The following USH2A variants were observed in gnomAD, a reference collection of about 807,000 sequenced individuals.
The protein encoded by USH2A is usherin.
Under a neutral mutation model 538.9 loss-of-function variants are expected in USH2A, and 443 were observed. That is an observed-to-expected ratio of 0.82 (90% CI 0.76 to 0.89). The LOEUF (loss-of-function observed/expected upper bound fraction) is 0.89, where lower values mean the gene tolerates loss of function less well. Among genes scored for constraint, USH2A ranks in the 40% least tolerant of loss-of-function variants. The pLI is 0.00. For missense variants in USH2A, 6,633 were observed against 6,324.8 expected, an observed-to-expected ratio of 1.05 and a Z score of -1.65; for synonymous variants, 2,413 against 2,273.5, an observed-to-expected ratio of 1.06 and a Z score of -1.75.
intron 61 of USH2A, among the ~76,000 whole-genome samples, chr1:215,711,140 A>G (rs888386728): frequency 1.3e-5 from 2 of 152,248 alleles, no homozygotes; most frequent in African/African-American, 4.8e-5. Flanking sequence ...AATGAAATGC[A>G]TGAATTAAAA....
intron 9 of USH2A, among the ~76,000 whole-genome samples, chr1:216,319,636 TAGAAAGAA>T (rs547057849): frequency 6.6e-6 from 1 of 152,048 alleles, no homozygotes; most frequent in Non-Finnish European, 1.5e-5. Flanking sequence ...TCTGAGCACA[TAGAAAGAA>T]AGAAAGAAAG....
Position 216,134,774 on chromosome 1 carries a change from G to C in USH2A, c.4628-37561C>G, listed in dbSNP as rs112145242. Among the ~76,000 whole-genome samples the C allele has an allele frequency of 4.3e-3, 657 of 152,166 alleles. 1 individual carries two copies. The highest frequency in any genetic ancestry group is 0.015 in the African/African-American group (631 of 41,544). On this transcript the variant is annotated intron_variant, in intron 21 of 71. Transcript: ENST00000307340. ...TCAAAGAAATAGCCAAATATGTCCAGAAACCATTGCTTGATTGTATTAAAA... is the reference window on the plus strand; with the variant it reads ...TCAAAGAAATAGCCAAATATGTCCACAAACCATTGCTTGATTGTATTAAAA...
chr1:215,823,714 G>T (rs958452215), intron 47 of USH2A, among the ~76,000 whole-genome samples: 2 of 151,692 alleles, frequency 1.3e-5, no homozygotes, highest in African/African-American at 4.8e-5. Flanking sequence ...TACCTTGTAG[G>T]TGATCTTCAC....
At chr1:216,347,721 C>A (rs1345072677) in intron 4 of USH2A, among the ~76,000 whole-genome samples, 1 of 152,096 alleles carries the variant, frequency 6.6e-6, no homozygotes, top group Non-Finnish European at 1.5e-5. Context: ...ACCAAAATTT[C>A]TTTATCAATT....
chr1:215,816,444 T>C lies in USH2A; in HGVS notation c.9570+553A>G, dbSNP rs77272709. Among the ~76,000 whole-genome samples the C allele has an allele frequency of 4.6e-3, 704 of 152,194 alleles. 4 individuals are homozygous for C. Among genetic ancestry groups the C allele is most frequent in the South Asian group, 0.015 (71 of 4,822 alleles). Reference sequence around the variant, plus strand: ...TAGTAGTAGCTTTAGCCATTGAATGTGTGATGCTGTTGTTGCCAAATAGGA... The same window carrying C: ...TAGTAGTAGCTTTAGCCATTGAATGCGTGATGCTGTTGTTGCCAAATAGGA... On this transcript the variant is annotated intron_variant, in intron 48 of 71. Transcript: ENST00000307340.
chr1:216,399,986 A>G (rs998337928), intron 3 of USH2A, among the ~76,000 whole-genome samples: 6 of 152,138 alleles, frequency 3.9e-5, no homozygotes, highest in African/African-American at 1.4e-4. Flanking sequence ...ATACTACGAT[A>G]CCCAAAACAT....
intron 11 of USH2A, among the ~76,000 whole-genome samples, chr1:216,256,655 A>G (rs656949): frequency 0.96 from 145,452 of 152,056 alleles, 69,602 homozygotes; most frequent in African/African-American, 0.99. Context: ...AAGTGAAGAT[A>G]AAGAGGACAA....
rs148443810 is a variant in USH2A, at chr1:216,237,738, C to T, written c.2810-5602G>A. 3.5e-3 allele frequency among the ~76,000 whole-genome samples: 532 copies of T among 152,274 alleles called. 2 individuals are homozygous for T. The highest frequency in any genetic ancestry group is 0.012 in the African/African-American group (506 of 41,544). ...TGGCACACAGCGGACTCTCAGTAAA[C>T]ATTATCTATTATCATCTTTGTAATT... On this transcript the variant is annotated intron_variant, in intron 13 of 71. Transcript: ENST00000307340.
intron 32 of USH2A, 137 bp downstream of exon 32, chr1:216,046,294 A>AT (rs908912830): frequency 7.8e-6 from 7 of 896,094 alleles, no homozygotes; most frequent in Admixed American, 4.9e-5. Flanking sequence ...TTCTGTTGTT[A>AT]TTTTTTTCAC....
rs551345246 is a variant in USH2A at position 216,012,414 on chromosome 1, A to T, written c.6326-11852T>A. Reference sequence around the variant, plus strand: ...TTACTCAACATGCCCCTAGTCAGATAACTAAAATACCTCTTAGTCTAGGTA... The same window carrying T: ...TTACTCAACATGCCCCTAGTCAGATTACTAAAATACCTCTTAGTCTAGGTA... On this transcript the variant is annotated intron_variant, in intron 32 of 71. Coordinates refer to ENST00000307340, the MANE Select transcript of USH2A (RefSeq NM_206933.4). Among the ~76,000 whole-genome samples, 13 of 152,220 alleles carry T rather than the reference A, an allele frequency of 8.5e-5. No homozygotes were observed. In the East Asian group the frequency reaches 2.3e-3, roughly 27 times the overall value.
chr1:215,630,767 C>T (rs1279688830), intron 70 of USH2A, among the ~76,000 whole-genome samples: 3 of 151,156 alleles, frequency 2.0e-5, no homozygotes, highest in East Asian at 3.9e-4. Context: ...GCAGGAGAAT[C>T]GCTTGAACCC....
At chr1:216,072,537 C>T (rs1412523968) in intron 29 of USH2A, 1 of 341,842 alleles carries the variant, frequency 2.9e-6, no homozygotes, top group East Asian at 7.7e-5. Flanking sequence ...TAATCCTAAT[C>T]CCTGACTTCA....
intron 21 of USH2A, among the ~76,000 whole-genome samples, chr1:216,172,249 G>A (rs1231535141): frequency 6.6e-6 from 1 of 151,988 alleles, no homozygotes; most frequent in African/African-American, 2.4e-5. Context: ...GCAACATAAT[G>A]TTCATGGCCA....
In USH2A at chr1:216,149,793, C is replaced by G. The variant is rs192007300; in HGVS notation, c.4627+25459G>C. Among the ~76,000 whole-genome samples the G allele has an allele frequency of 6.4e-4, 97 of 152,256 alleles. 2 individuals carry two copies. The East Asian group carries it at 0.018, about 28-fold the overall frequency. On this transcript the variant is annotated intron_variant, in intron 21 of 71. Coordinates refer to ENST00000307340, the MANE Select transcript of USH2A (RefSeq NM_206933.4). ...TGTTAAGAATCTGACCCCTCAAACT[C>G]TATAACCTCAATGGACCGGACCCTA...
chr1:216,147,884 G>T (rs1202823702), intron 21 of USH2A, among the ~76,000 whole-genome samples: 1 of 146,404 alleles, frequency 6.8e-6, no homozygotes, highest in Non-Finnish European at 1.5e-5. Context: ...CTCCTAAGCC[G>T]CGTCCCATCT....
chr1:215,754,745 G>A (rs1660737990), intron 58 of USH2A, among the ~76,000 whole-genome samples: 1 of 152,192 alleles, frequency 6.6e-6, no homozygotes, highest in Non-Finnish European at 1.5e-5. Flanking sequence ...GCCATCCTGG[G>A]CTTTAGGTTG....
intron 35 of USH2A, among the ~76,000 whole-genome samples, chr1:215,989,579 T>C (rs1667957017): frequency 6.6e-6 from 1 of 152,106 alleles, no homozygotes; most frequent in African/African-American, 2.4e-5. Context: ...TTGCATGGCA[T>C]GAGGAGGCTC....
intron 3 of USH2A, among the ~76,000 whole-genome samples, chr1:216,408,080 C>A (rs1259958327): frequency 6.6e-6 from 1 of 152,058 alleles, no homozygotes; most frequent in African/African-American, 2.4e-5. Context: ...GAGAAACCAC[C>A]ATTTTCTAGC....
At position 216,152,172 on chromosome 1, in the gene USH2A, A is replaced by G. The variant is rs558158443; in HGVS notation, c.4627+23080T>C. ...TTCGCCGCCCCAACACTTCAATACTATTTTGTTTTATTTTTCTTATTAAGA... is the reference window on the plus strand; with the variant it reads ...TTCGCCGCCCCAACACTTCAATACTGTTTTGTTTTATTTTTCTTATTAAGA... On this transcript the variant is annotated intron_variant, in intron 21 of 71. Transcript: ENST00000307340. Among the ~76,000 whole-genome samples the G allele has an allele frequency of 3.4e-4, 51 of 151,926 alleles. 1 individual carries two copies. In the South Asian group the frequency reaches 0.01, roughly 31 times the overall value.
Sources: allele counts gnomAD v4.1 joint callset (sites outside exome capture counted in the v4.1 genomes callset), GRCh38; gene constraint gnomAD v4.1.1; transcripts MANE v1.5; gene names NCBI Gene and HGNC (gene_info 2026-07-23, HGNC 2026-07-21).